Variants in CARD8 observed in about 807,000 individuals in gnomAD.
CARD8 encodes the protein caspase recruitment domain-containing protein 8.
A neutral mutation model predicts 53.2 loss-of-function variants in CARD8; 38 were observed. The ratio of observed to expected loss-of-function variants is 0.71; its 90% confidence interval spans 0.55 to 0.94. The LOEUF (loss-of-function observed/expected upper bound fraction) is 0.94. Ranked by LOEUF, CARD8 falls within the 40% of genes least tolerant of loss-of-function variation. The pLI, the probability that CARD8 is intolerant of heterozygous loss-of-function variation, is 0.00. For synonymous variants in CARD8, 245 were observed against 244.9 expected (o/e 1.00, Z 0.00); for missense variants, 561 against 655.5 (o/e 0.86, Z 1.57).
intron 10 of CARD8, among the ~76,000 whole-genome samples, chr19:48,227,713 G>C (rs1020443352): frequency 2.0e-5 from 3 of 150,644 alleles, no homozygotes; most frequent in Non-Finnish European, 4.4e-5. Context: ...TGAGGCAGGA[G>C]AATCACTTGA....
At chr19:48,204,276 C>T (rs1478429462), downstream of CARD8, 4 of 438,784 alleles carry the variant, frequency 9.1e-6, no homozygotes, top group South Asian at 1.6e-5. Context: ...TTAGAGACCT[C>T]GCGGGAGAAA....
chr19:48,222,518 G>A (rs573372441), intron 10 of CARD8, among the ~76,000 whole-genome samples: 1 of 152,180 alleles, frequency 6.6e-6, no homozygotes, highest in Non-Finnish European at 1.5e-5. Flanking sequence ...GCGAAACCCC[G>A]TCTCTACTAA....
intron 11 of CARD8, among the ~76,000 whole-genome samples, chr19:48,219,925 T>C (rs1308027510): frequency 6.6e-6 from 1 of 152,108 alleles, no homozygotes; most frequent in Non-Finnish European, 1.5e-5. Context: ...GAGCAGACAT[T>C]GCGCCACTGC....
chr19:48,233,440 G>A (rs756232617), intron 6 of CARD8: 32 of 455,796 alleles, frequency 7.0e-5, no homozygotes, highest in Middle Eastern at 6.5e-4. Flanking sequence ...GCTTTACAGC[G>A]CTTTTCTCGG....
At chr19:48,248,227 G>C (rs898118888) in intron 3 of CARD8, among the ~76,000 whole-genome samples, 1 of 152,160 alleles carries the variant, frequency 6.6e-6, no homozygotes, top group Non-Finnish European at 1.5e-5. Context: ...AGTCACGCAT[G>C]AAGTTATAGC....
intron 10 of CARD8, among the ~76,000 whole-genome samples, chr19:48,228,149 T>G (rs2042153590): frequency 6.6e-6 from 1 of 152,224 alleles, no homozygotes; most frequent in Admixed American, 6.5e-5. Flanking sequence ...GATCTGTAAG[T>G]GTCTCCCATT....
intron 10 of CARD8, among the ~76,000 whole-genome samples, chr19:48,223,321 T>G (rs571208665): frequency 1.0e-3 from 147 of 147,682 alleles, no homozygotes; most frequent in African/African-American, 3.5e-3. Flanking sequence ...AAAAAAGAAA[T>G]AAAGAAATGT....
chr19:48,232,462 G>C lies in CARD8; in HGVS notation c.382C>G (p.Gln128Glu). 1 of 1,535,792 alleles carries C rather than the reference G, an allele frequency of 6.5e-7. No homozygotes were observed. Among genetic ancestry groups the C allele is most frequent in the South Asian group, 1.2e-5 (1 of 84,054 alleles). ...VSEEQESSEG[Q>E]DSGDICSEEN... ...CCTATTAGCCCATTACCTGAATCTT[G>C]TCCCTCTGAAGATTCCTGCTCTTCT... is the stretch of plus-strand genomic sequence containing the variant. Residue 128 changes from glutamine to glutamate, a missense_variant, in exon 7 of 14, where the codon CAA becomes GAA. Coordinates refer to ENST00000651546, the MANE Select transcript of CARD8 (RefSeq NM_001184900.3).
chr19:48,225,635 A>C (rs1324962503), intron 10 of CARD8, among the ~76,000 whole-genome samples: 1 of 152,204 alleles, frequency 6.6e-6, no homozygotes, highest in Non-Finnish European at 1.5e-5. Flanking sequence ...AAAGGGTAAG[A>C]GCCCAGAAGC....
At chr19:48,227,024 G>A (rs1443068542) in intron 10 of CARD8, among the ~76,000 whole-genome samples, 2 of 151,732 alleles carry the variant, frequency 1.3e-5, no homozygotes, top group Non-Finnish European at 2.9e-5. Flanking sequence ...GGGAGGCAGA[G>A]GTTGCAGTGA....
chr19:48,205,198 AC>A (rs2037298832), downstream of CARD8, among the ~76,000 whole-genome samples: 2 of 152,020 alleles, frequency 1.3e-5, no homozygotes, highest in Admixed American at 1.3e-4. Context: ...ATTTTTAAAA[AC>A]GTTTTATTAT....
In CARD8 at chr19:48,252,836, CAT is replaced by C. The variant is rs1555870049; in HGVS notation, c.-252+2954_-252+2955del. Among the ~76,000 whole-genome samples, 835 of 150,112 alleles carry C rather than the reference CAT, an allele frequency of 5.6e-3. 4 individuals are homozygous for C. The highest frequency in any genetic ancestry group is 0.017 in the African/African-American group (701 of 40,938). On this transcript the variant is annotated intron_variant, in intron 1 of 13. Transcript: ENST00000651546. ...ACACACACACACACACACACACACACATATGTGTATACATATACAACTACATA... is the reference window on the plus strand; with the variant it reads ...ACACACACACACACACACACACACACATGTGTATACATATACAACTACATA...
At position 48,231,095 on chromosome 19, in the gene CARD8, G is replaced by A. The variant is rs577125275; in HGVS notation, c.543-89C>T. The A allele has an allele frequency of 2.5e-4, 278 of 1,096,280 alleles. 1 individual carries two copies. The highest frequency in any genetic ancestry group is 3.3e-4 in the Non-Finnish European group (244 of 734,424). The allele number at this position is 1,096,280 out of a possible 1,614,324, so 67.9% of individuals were successfully genotyped here. On this transcript the variant is annotated intron_variant, in intron 8 of 13. Transcript: ENST00000651546. Reference sequence around the variant, plus strand: ...TGCAGAGGGAGGTGGGATTTGAAGTGAGGCAAGGTTCAGGACCCATCTGCG... The same window carrying A: ...TGCAGAGGGAGGTGGGATTTGAAGTAAGGCAAGGTTCAGGACCCATCTGCG...
Position 48,238,373 on chromosome 19 carries a change from T to C in CARD8, c.209+10A>G. 2.6e-6 allele frequency: 4 copies of C among 1,533,334 alleles called. No individual in the cohort carries two copies. The highest frequency in any genetic ancestry group is 1.7e-4 in the Middle Eastern group (1 of 5,972). The allele number at this position is 1,533,334 out of a possible 1,614,324, so 95.0% of individuals were successfully genotyped here. ...CTTTAATTTTTTCCCAACAAATAGA[T>C]GTCCCTTACGTATCATTTGTCACAC... On this transcript the variant is annotated intron_variant, in intron 5 of 13. Transcript: ENST00000651546.
intron 5 of CARD8, 65 bp from the exon 6 acceptor site, chr19:48,234,608 G>C: frequency 1.4e-6 from 2 of 1,430,924 alleles, no homozygotes; most frequent in Non-Finnish European, 1.9e-6. Flanking sequence ...AGCATAGGCT[G>C]TGCAGGAAGA....
At chr19:48,203,930 C>G (rs3745716), downstream of CARD8, 94,268 of 288,150 alleles carry the variant, frequency 0.33, 16,024 homozygotes, top group East Asian at 0.52. Flanking sequence ...GCGCCACCAG[C>G]GCTTTCGCGT....
At chr19:48,204,271 G>C (rs955048987), downstream of CARD8, 1 of 443,026 alleles carries the variant, frequency 2.3e-6, no homozygotes, top group Non-Finnish European at 4.6e-6. Flanking sequence ...GGGGATTAGA[G>C]ACCTCGCGGG....
At chr19:48,215,421 T>A in intron 12 of CARD8, 37 bp from the exon 13 acceptor site, 160 of 1,218,874 alleles carry the variant, frequency 1.3e-4, no homozygotes, top group Non-Finnish European at 1.9e-4. Flanking sequence ...TGAGATGAGA[T>A]AAATCATGTA....
At chr19:48,206,393 T>G (rs529683978), downstream of CARD8, 1 of 456,758 alleles carries the variant, frequency 2.2e-6, no homozygotes, top group Non-Finnish European at 4.4e-6. Flanking sequence ...CCGTATTGGA[T>G]AGTGAAGATC....
Sources: gnomAD v4.1 joint callset for allele counts (sites outside exome capture counted in the v4.1 genomes callset) on GRCh38, gnomAD v4.1.1 for gene constraint, MANE v1.5 for transcripts, NCBI Gene and HGNC (gene_info 2026-07-23, HGNC 2026-07-21) for gene names.